CSMD1: variants seen among roughly 807,000 people sequenced by gnomAD.
CSMD1 encodes CUB and Sushi multiple domains 1.
A neutral mutation model predicts 417.5 loss-of-function variants in CSMD1; 213 were observed. The ratio of observed to expected loss-of-function variants is 0.51; its 90% CI spans 0.46 to 0.57. The LOEUF (loss-of-function observed/expected upper bound fraction) is 0.57, where lower values mean the gene tolerates loss of function less well. Ranked by LOEUF, CSMD1 falls within the 20% of genes least tolerant of loss-of-function variation. The pLI is 0.00. For synonymous variants in CSMD1, 2,862 were observed against 1,736.8 expected (o/e 1.65, Z -16.11); for missense variants, 6,923 against 4,529.7 (o/e 1.53, Z -15.17).
At chr8:3,179,121 A>AT (rs1189475845) in intron 37 of CSMD1, among the ~76,000 whole-genome samples, 2 of 150,932 alleles carry the variant, frequency 1.3e-5, no homozygotes, top group Non-Finnish European at 2.9e-5. Flanking sequence ...AATTCTTTGT[A>AT]TTTTTAGTAG....
chr8:4,648,519 C>A (rs547718750), intron 1 of CSMD1, among the ~76,000 whole-genome samples: 81 of 152,172 alleles, frequency 5.3e-4, no homozygotes, highest in African/African-American at 1.8e-3. Context: ...CTGCTTTCTC[C>A]CTCTCTTAGG....
At chr8:4,225,357 A>G (rs1259213205) in intron 3 of CSMD1, among the ~76,000 whole-genome samples, 1 of 152,170 alleles carries the variant, frequency 6.6e-6, no homozygotes, top group East Asian at 1.9e-4. Context: ...AAAATATGTA[A>G]TTAACAATAT....
At position 3,775,373 on chromosome 8, in the gene CSMD1, T is replaced by G. The variant is rs370971788; in HGVS notation, c.819-21331A>C. Among the ~76,000 whole-genome samples, 77 of 152,256 alleles carry G rather than the reference T, an allele frequency of 5.1e-4. 1 individual carries two copies. The South Asian group carries it at 0.012, about 25-fold the overall frequency. On this transcript the variant is annotated intron_variant, in intron 5 of 69. Transcript: ENST00000635120. ...TCTGAACCATCTAGCAGACACAGCA[T>G]AGCAGGTAACAGGCCCAGGTACCTG... is the stretch of plus-strand genomic sequence containing the variant.
chr8:3,232,260 A>G (rs985713193), intron 26 of CSMD1, among the ~76,000 whole-genome samples: 2 of 152,192 alleles, frequency 1.3e-5, no homozygotes, highest in African/African-American at 2.4e-5. Flanking sequence ...GTTTCCTGAA[A>G]TCAAATGCTT....
intron 4 of CSMD1, 73 bp downstream of exon 4, chr8:4,031,832 C>T: frequency 8.4e-7 from 1 of 1,192,240 alleles, no homozygotes; most frequent in Non-Finnish European, 1.1e-6. Context: ...TAAGTGGAAA[C>T]TTTCATAAAA....
intron 5 of CSMD1, among the ~76,000 whole-genome samples, chr8:3,880,837 A>G (rs1806160092): frequency 6.6e-6 from 1 of 152,182 alleles, no homozygotes; most frequent in African/African-American, 2.4e-5. Context: ...TAACGTAATG[A>G]CCTGCGCATT....
intron 10 of CSMD1, among the ~76,000 whole-genome samples, chr8:3,538,810 G>T (rs1798315520): frequency 6.6e-6 from 1 of 152,130 alleles, no homozygotes; most frequent in African/African-American, 2.4e-5. Flanking sequence ...CAAGAGCCTG[G>T]TGGAAGGCAA....
intron 5 of CSMD1, among the ~76,000 whole-genome samples, chr8:3,786,714 AG>A (rs1332815219): frequency 2.0e-5 from 3 of 152,216 alleles, no homozygotes; most frequent in Non-Finnish European, 4.4e-5. Flanking sequence ...CACTGTCTAG[AG>A]GGTGGAAGCC....
intron 5 of CSMD1, among the ~76,000 whole-genome samples, chr8:3,972,064 G>A (rs1396759030): frequency 2.0e-5 from 3 of 152,042 alleles, no homozygotes; most frequent in Non-Finnish European, 2.9e-5. Flanking sequence ...AGAGACAGGG[G>A]CTCTGTATGT....
intron 1 of CSMD1, among the ~76,000 whole-genome samples, chr8:4,659,994 C>T (rs990690005): frequency 4.0e-5 from 6 of 151,378 alleles, no homozygotes; most frequent in Non-Finnish European, 8.8e-5. Flanking sequence ...GGAGTATATA[C>T]TCAACTTGTA....
At chr8:4,041,085 C>T (rs564660841) in intron 3 of CSMD1, among the ~76,000 whole-genome samples, 191 of 139,292 alleles carry the variant, frequency 1.4e-3, no homozygotes, top group Non-Finnish European at 2.3e-3. Flanking sequence ...GGCGCGATCT[C>T]GGCTCACTGC....
At position 4,266,901 on chromosome 8, in the gene CSMD1, C is replaced by G. The variant is rs1226843346; in HGVS notation, c.415+153052G>C. Among the ~76,000 whole-genome samples, 6 of 103,894 alleles carry G rather than the reference C, an allele frequency of 5.8e-5. 1 individual carries two copies. The highest frequency in any genetic ancestry group is 1.0e-4 in the African/African-American group (4 of 38,344). 68.2% of individuals were successfully genotyped at this position (103,894 alleles called of 152,430 possible). On this transcript the variant is annotated intron_variant, in intron 3 of 69. Transcript: ENST00000635120. ...CAACGTGTTAAGATGGAAGAAGAAA[C>G]AAACTGATTAATAAAAACCAAATGA...
intron 10 of CSMD1, among the ~76,000 whole-genome samples, chr8:3,506,024 T>C (rs1227980873): frequency 6.6e-6 from 1 of 152,186 alleles, no homozygotes; most frequent in Non-Finnish European, 1.5e-5. Flanking sequence ...TATTAAACAA[T>C]ATAATTTAAC....
intron 12 of CSMD1, among the ~76,000 whole-genome samples, chr8:3,439,309 A>ATATATATATATTTTTTTTT: frequency 9.6e-5 from 6 of 62,458 alleles, no homozygotes; most frequent in African/African-American, 2.0e-4. Flanking sequence ...ATATATATAT[A>ATATATATATATTTTTTTTT]TTTTTTTTTT....
intron 5 of CSMD1, among the ~76,000 whole-genome samples, chr8:3,982,167 A>AATAATG (rs1813923484): frequency 7.9e-6 from 1 of 126,882 alleles, no homozygotes; most frequent in South Asian, 2.5e-4. Flanking sequence ...CAAAAATAAT[A>AATAATG]ATAATAATAA....
chr8:4,443,834 T>C (rs761661169), intron 2 of CSMD1, among the ~76,000 whole-genome samples: 1 of 152,208 alleles, frequency 6.6e-6, no homozygotes, highest in Non-Finnish European at 1.5e-5. Context: ...ACAGTGTTAG[T>C]AACGAACTTC....
chr8:4,588,647 TGGTGGCGGGCGC>T (rs1330467680), intron 2 of CSMD1, among the ~76,000 whole-genome samples: 1 of 151,786 alleles, frequency 6.6e-6, no homozygotes, highest in East Asian at 2.0e-4. Context: ...TAGCCGGGCG[TGGTGGCGGGCGC>T]CTTTAGTCCC....
chr8:3,217,788 T>A (rs2116838319), intron 29 of CSMD1, among the ~76,000 whole-genome samples: 1 of 152,260 alleles, frequency 6.6e-6, no homozygotes, highest in African/African-American at 2.4e-5. Flanking sequence ...AAGAAACCAA[T>A]TTTCTACTTA....
chr8:3,907,843 T>G (rs1258734738), intron 5 of CSMD1, among the ~76,000 whole-genome samples: 2 of 152,188 alleles, frequency 1.3e-5, no homozygotes, highest in Admixed American at 6.5e-5. Context: ...CATCATCAAC[T>G]CTGTGCTCTG....
Sources: allele counts gnomAD v4.1 joint callset (sites outside exome capture counted in the v4.1 genomes callset), GRCh38; gene constraint gnomAD v4.1.1; transcripts MANE v1.5; gene names NCBI Gene and HGNC (gene_info 2026-07-23, HGNC 2026-07-21).